Variants in HMCN1 observed in about 807,000 individuals in gnomAD.
HMCN1 encodes the protein hemicentin-1.
A neutral mutation model predicts 625.9 loss-of-function variants in HMCN1; 321 were observed. The observed-to-expected ratio is 0.51, with a 90% CI of 0.47 to 0.56. HMCN1 has a LOEUF of 0.56. Ranked by LOEUF, HMCN1 falls within the 20% of genes least tolerant of loss-of-function variation. The pLI, the probability that HMCN1 is intolerant of heterozygous loss-of-function variation, is 0.00. For missense variants in HMCN1, 6,588 were observed against 6,887.3 expected (o/e 0.96, Z 1.54); for synonymous variants, 2,425 against 2,417.6 (o/e 1.00, Z -0.09).
intron 1 of HMCN1, among the ~76,000 whole-genome samples, chr1:185,753,649 A>T (rs1654953362): frequency 6.6e-6 from 1 of 152,080 alleles, no homozygotes; most frequent in South Asian, 2.1e-4. Flanking sequence ...TTTTGTTGTC[A>T]TTTGATTCTA....
At chr1:186,187,687 G>T (rs534560645) in intron 105 of HMCN1, among the ~76,000 whole-genome samples, 196 bp from the exon 106 acceptor site, 1 of 151,898 alleles carries the variant, frequency 6.6e-6, no homozygotes, top group Non-Finnish European at 1.5e-5. Context: ...ATATGTGCTC[G>T]AGGCAACCTG....
rs1453583605 is a variant in HMCN1, at chr1:186,045,770, T to C, written c.6387T>C (p.Ala2129=). 7 of 1,612,454 alleles carry C rather than the reference T, an allele frequency of 4.3e-6. No individual in the cohort carries two copies. The South Asian group carries it at 7.7e-5, about 18-fold the overall frequency. ...TGGAATTACTATGTCAAAGTGATGC[T>C]ATTCCCCCACCTACTCTTACTTGGT... ...QAVELLCQSD[A]IPPPTLTWLK... The change falls in exon 41 of 107, where the codon GCT becomes GCC. Residue 2129 remains alanine (A), a synonymous_variant. Coordinates refer to ENST00000271588, the MANE Select transcript of HMCN1 (RefSeq NM_031935.3).
chr1:185,997,341 C>T (rs921618583), intron 24 of HMCN1, 88 bp from the exon 25 acceptor site: 3 of 804,352 alleles, frequency 3.7e-6, no homozygotes, highest in Non-Finnish European at 6.6e-6. Flanking sequence ...GAGATAGCAA[C>T]TCATCAGTGC....
At chr1:186,054,431 G>A (rs968813853) in intron 44 of HMCN1, among the ~76,000 whole-genome samples, 1 of 151,996 alleles carries the variant, frequency 6.6e-6, no homozygotes, top group African/African-American at 2.4e-5. Flanking sequence ...CCTCCATTTT[G>A]TGTATGTGGA....
intron 97 of HMCN1, among the ~76,000 whole-genome samples, chr1:186,157,061 G>A (rs571592111): frequency 2.6e-5 from 4 of 152,252 alleles, no homozygotes; most frequent in South Asian, 2.1e-4. Context: ...ATGGGACCAA[G>A]GGAACCTATA....
Position 185,862,482 on chromosome 1 carries a change from C to T in HMCN1, c.340-1988C>T, listed in dbSNP as rs1046075991. On this transcript the variant is annotated intron_variant, in intron 2 of 106. Transcript: ENST00000271588. The stretch of plus-strand genomic sequence containing the variant: ...AAACCAAATATCTATGCAGATAGCA[C>T]GGTTAACAAAAATAGGGATGACACA... 3.3e-5 allele frequency among the ~76,000 whole-genome samples: 5 copies of T among 151,986 alleles called. No homozygotes were observed. The South Asian group carries it at 6.2e-4, about 19-fold the overall frequency.
At position 185,965,669 on chromosome 1, in the gene HMCN1, G is replaced by A. The variant is rs1650353551; in HGVS notation, c.2099-133G>A. On this transcript the variant is annotated intron_variant, in intron 13 of 106. Coordinates refer to ENST00000271588, the MANE Select transcript of HMCN1 (RefSeq NM_031935.3). ...ACCTATGTGCATGTGCATTACAAGA[G>A]TTTCTTTCGGTTTATAAATATTGAA... The A allele has an allele frequency of 1.1e-5, 8 of 706,912 alleles. No homozygotes were observed. The East Asian group carries it at 2.1e-4, about 19-fold the overall frequency. 43.8% of individuals were successfully genotyped at this position (706,912 alleles called of 1,614,324 possible).
chr1:186,184,932 C>G (rs1653186370), intron 105 of HMCN1, among the ~76,000 whole-genome samples: 1 of 151,836 alleles, frequency 6.6e-6, no homozygotes, highest in Non-Finnish European at 1.5e-5. Context: ...TTTCTGTCTT[C>G]TTTTTTTTAA....
At chr1:186,128,710 C>G (rs553141398) in intron 83 of HMCN1, among the ~76,000 whole-genome samples, 3 of 152,040 alleles carry the variant, frequency 2.0e-5, no homozygotes, top group East Asian at 1.9e-4. Context: ...GCCTCAACCT[C>G]TATTATAGTG....
chr1:185,913,099 A>C (rs1275586026), intron 6 of HMCN1, among the ~76,000 whole-genome samples: 1 of 152,150 alleles, frequency 6.6e-6, no homozygotes, highest in East Asian at 1.9e-4. Flanking sequence ...AAATCCTAAG[A>C]TACTAGTTTT....
chr1:186,068,132 C>A, intron 50 of HMCN1, 125 bp downstream of exon 50: 1 of 951,648 alleles, frequency 1.1e-6, no homozygotes, highest in Non-Finnish European at 1.7e-6. Flanking sequence ...TTCTGTGCAG[C>A]CTGGTTCCTA....
intron 1 of HMCN1, among the ~76,000 whole-genome samples, chr1:185,805,491 A>G (rs902808564): frequency 2.0e-5 from 3 of 152,172 alleles, no homozygotes; most frequent in Admixed American, 6.6e-5. Context: ...TGACTATTTC[A>G]TTGGTACTTC....
chr1:186,007,402 GAGA>G, intron 30 of HMCN1, 120 bp downstream of exon 30: 2 of 864,796 alleles, frequency 2.3e-6, no homozygotes, highest in Non-Finnish European at 3.7e-6. Flanking sequence ...CATACTTCAA[GAGA>G]AGAAGGAGCT....
intron 1 of HMCN1, among the ~76,000 whole-genome samples, chr1:185,792,767 C>T (rs1456975932): frequency 2.0e-5 from 3 of 152,126 alleles, no homozygotes; most frequent in Non-Finnish European, 4.4e-5. Context: ...TGGTACTTCA[C>T]GGTTGAGGCT....
chr1:186,065,387 C>T lies in HMCN1; in HGVS notation c.7663C>T (p.Pro2555Ser), dbSNP rs1658043152. 2 of 1,610,058 alleles carry T rather than the reference C, an allele frequency of 1.2e-6. No individual in the cohort carries two copies. The highest frequency in any genetic ancestry group is 1.7e-6 in the Non-Finnish European group (2 of 1,179,534). ...AAGATATACATGTTTGGCTTCCAGT[C>T]CAGCTGGCCACAAGAGCAGGAGCTT... ...TGRYTCLASSPAGHKSRSFSL... is the reference protein window; with the variant it reads ...TGRYTCLASSSAGHKSRSFSL... Residue 2555 changes from proline to serine, a missense_variant, in exon 49 of 107, where the codon CCA becomes TCA. By Grantham distance (74) the Pro-to-Ser change is moderately conservative. Transcript: ENST00000271588.
chr1:186,149,432 T>G (rs1470718206), intron 93 of HMCN1, among the ~76,000 whole-genome samples: 1 of 152,184 alleles, frequency 6.6e-6, no homozygotes, highest in African/African-American at 2.4e-5. Flanking sequence ...CTCATCTACC[T>G]CAAGCTTTGT....
rs938771644 is a variant in HMCN1 at position 186,078,177 on chromosome 1, T to C, written c.8556T>C (p.Asn2852=). The part of the protein sequence containing the change: ...DAGRYTCVAV[N]EAGEDSLQYD... ...GGAGATACACATGTGTGGCTGTGAA[T>C]GAGGCTGGAGAAGATTCCCTTCAAT... The change falls in exon 55 of 107, where the codon AAT becomes AAC. Residue 2852 remains asparagine, a synonymous_variant. Coordinates refer to ENST00000271588, the MANE Select transcript of HMCN1 (RefSeq NM_031935.3). The C allele has an allele frequency of 1.9e-6, 3 of 1,613,784 alleles. No individual in the cohort carries two copies. The highest frequency in any genetic ancestry group is 1.6e-4 in the Middle Eastern group (1 of 6,062).
chr1:185,821,161 A>G (rs1465616098), intron 1 of HMCN1, among the ~76,000 whole-genome samples: 2 of 151,948 alleles, frequency 1.3e-5, no homozygotes, highest in African/African-American at 4.8e-5. Context: ...AAGAGCACAA[A>G]TGTCTTCATA....
chr1:185,850,276 G>A (rs557283151), intron 2 of HMCN1, among the ~76,000 whole-genome samples: 100 of 152,194 alleles, frequency 6.6e-4, no homozygotes, highest in African/African-American at 2.4e-3. Context: ...GAAAATACCC[G>A]AAAAACCTAA....
Sources: gnomAD v4.1 joint callset for allele counts (sites outside exome capture counted in the v4.1 genomes callset) on GRCh38, gnomAD v4.1.1 for gene constraint, MANE v1.5 for transcripts, NCBI Gene and HGNC (gene_info 2026-07-23, HGNC 2026-07-21) for gene names.